Variants in KLHL1 observed in about 807,000 individuals in gnomAD.
KLHL1 encodes kelch like family member 1.
A neutral mutation model predicts 77.7 loss-of-function variants in KLHL1; 47 were observed. The observed-to-expected ratio is 0.60, with a 90% CI of 0.48 to 0.77. The LOEUF is 0.77. Among genes scored for constraint, KLHL1 ranks in the 30% least tolerant of loss-of-function variants. The pLI, the probability that KLHL1 is intolerant of heterozygous loss-of-function variation, is 0.00. For missense variants in KLHL1, 925 were observed against 910.8 expected, an observed-to-expected ratio of 1.02 and a Z score of -0.20; for synonymous variants, 360 against 325.2, an observed-to-expected ratio of 1.11 and a Z score of -1.15.
At chr13:70,006,157 A>C (rs1305004059) in intron 1 of KLHL1, among the ~76,000 whole-genome samples, 1 of 152,060 alleles carries the variant, frequency 6.6e-6, no homozygotes, top group Non-Finnish European at 1.5e-5. Flanking sequence ...AATGTCCTGC[A>C]GGTTCATCTA....
At chr13:69,957,884 A>G (rs17085809) in intron 3 of KLHL1, among the ~76,000 whole-genome samples, 19,462 of 151,680 alleles carry the variant, frequency 0.13, 1,949 homozygotes, top group East Asian at 0.29. Context: ...CATGAACTTC[A>G]TATTAAGTTA....
intron 7 of KLHL1, 96 bp from the exon 8 acceptor site, chr13:69,740,652 C>T (rs540113503): frequency 2.7e-5 from 22 of 802,398 alleles, no homozygotes; most frequent in Middle Eastern, 2.6e-4. Flanking sequence ...TTAAGTGTCC[C>T]TAACATAATA....
At chr13:70,002,561 A>G (rs1290843474) in intron 1 of KLHL1, among the ~76,000 whole-genome samples, 1 of 151,572 alleles carries the variant, frequency 6.6e-6, no homozygotes, top group African/African-American at 2.4e-5. Flanking sequence ...AATAATAATA[A>G]AAGTTCCAAA....
At chr13:69,889,843 T>G (rs753136242) in intron 4 of KLHL1, among the ~76,000 whole-genome samples, 3 of 152,066 alleles carry the variant, frequency 2.0e-5, no homozygotes, top group Non-Finnish European at 2.9e-5. Context: ...GGAATGCCTG[T>G]CTCATAGAAA....
At position 69,707,696 on chromosome 13, in the gene KLHL1, C is replaced by T; in HGVS notation, c.2116G>A (p.Gly706Ser). 1 of 1,612,750 alleles carries T rather than the reference C, an allele frequency of 6.2e-7. No individual in the cohort carries two copies. The highest frequency in any genetic ancestry group is 8.5e-7 in the Non-Finnish European group (1 of 1,179,192). The change falls in exon 10 of 11, where the codon GGT becomes AGT. Residue 706 changes from glycine (G) to serine (S), a missense_variant. Gly to Ser is a moderately conservative substitution (Grantham distance 56). Coordinates refer to ENST00000377844, the MANE Select transcript of KLHL1 (RefSeq NM_020866.3). ...CLLGDRLYAV[G>S]GYDGQTYLNT... ...AGGTATGTCTGTCCATCATAGCCAC[C>T]AACAGCATATAATCTGTCACCAAGG...
At chr13:69,791,111 A>C (rs1876853765) in intron 7 of KLHL1, among the ~76,000 whole-genome samples, 1 of 152,108 alleles carries the variant, frequency 6.6e-6, no homozygotes, top group Non-Finnish European at 1.5e-5. Flanking sequence ...ATATTAATCT[A>C]TTAAATATGT....
At chr13:70,103,396 T>C (rs903518670) in intron 1 of KLHL1, among the ~76,000 whole-genome samples, 1 of 152,046 alleles carries the variant, frequency 6.6e-6, no homozygotes, top group African/African-American at 2.4e-5. Context: ...TAAACTGTAA[T>C]CAGCGAGTGT....
chr13:69,926,520 C>G (rs1377428798), intron 4 of KLHL1, among the ~76,000 whole-genome samples: 1 of 152,118 alleles, frequency 6.6e-6, no homozygotes, highest in African/African-American at 2.4e-5. Context: ...TAGTAATACT[C>G]TCTGAATTAT....
chr13:69,978,863 C>T (rs1884624059), intron 1 of KLHL1, among the ~76,000 whole-genome samples: 1 of 151,890 alleles, frequency 6.6e-6, no homozygotes, highest in South Asian at 2.1e-4. Context: ...TTTACTTTGT[C>T]TTTAGTTGTT....
intron 7 of KLHL1, among the ~76,000 whole-genome samples, chr13:69,783,069 CTG>C (rs1233677790): frequency 6.6e-6 from 1 of 152,224 alleles, no homozygotes; most frequent in Non-Finnish European, 1.5e-5. Flanking sequence ...GGCAAACGGT[CTG>C]GAGTGGACCT....
At chr13:69,715,166 C>T (rs1876061443) in intron 9 of KLHL1, among the ~76,000 whole-genome samples, 2 of 152,226 alleles carry the variant, frequency 1.3e-5, no homozygotes, top group South Asian at 4.1e-4. Context: ...AAGCAGGGCT[C>T]CTAAATACTT....
At chr13:69,904,349 A>G (rs945601896) in intron 4 of KLHL1, among the ~76,000 whole-genome samples, 5 of 152,200 alleles carry the variant, frequency 3.3e-5, no homozygotes, top group African/African-American at 4.8e-5. Flanking sequence ...AATATAAAAA[A>G]GTATATGTAT....
intron 4 of KLHL1, among the ~76,000 whole-genome samples, chr13:69,923,589 T>C (rs1174815112): frequency 1.3e-5 from 2 of 152,172 alleles, no homozygotes; most frequent in African/African-American, 4.8e-5. Context: ...ATCTTTGAGG[T>C]GATTTTAGTA....
intron 1 of KLHL1, among the ~76,000 whole-genome samples, chr13:70,102,973 A>C (rs1887959714): frequency 6.6e-6 from 1 of 152,182 alleles, no homozygotes; most frequent in Non-Finnish European, 1.5e-5. Context: ...ACTTACAGAC[A>C]AACAAAATCA....
intron 1 of KLHL1, among the ~76,000 whole-genome samples, chr13:70,038,380 A>G (rs558195909): frequency 6.6e-6 from 1 of 152,254 alleles, no homozygotes; most frequent in South Asian, 2.1e-4. Flanking sequence ...ACAGGTTTTT[A>G]TGTAGACATG....
At chr13:69,849,536 C>T (rs1427835070) in intron 5 of KLHL1, among the ~76,000 whole-genome samples, 4 of 151,298 alleles carry the variant, frequency 2.6e-5, no homozygotes, top group Non-Finnish European at 1.5e-5. Flanking sequence ...TCCTCTGGGG[C>T]TTCTATTAAA....
chr13:70,013,313 G>A (rs9542159), intron 1 of KLHL1, among the ~76,000 whole-genome samples: 48,573 of 152,028 alleles, frequency 0.32, 9,188 homozygotes, highest in South Asian at 0.44. Flanking sequence ...CAGAGAACCC[G>A]TCAGCAAATA....
intron 4 of KLHL1, among the ~76,000 whole-genome samples, chr13:69,903,871 A>C (rs1468589871): frequency 3.3e-5 from 5 of 150,748 alleles, no homozygotes; most frequent in African/African-American, 4.9e-5. Flanking sequence ...CGAACTCTTG[A>C]CCTCGTGATC....
chr13:69,777,440 T>C (rs1384040381), intron 7 of KLHL1, among the ~76,000 whole-genome samples: 3 of 152,176 alleles, frequency 2.0e-5, no homozygotes, highest in Non-Finnish European at 4.4e-5. Flanking sequence ...AGTGGGATTA[T>C]AGAGGTCATA....
Sources: gnomAD v4.1 joint callset for allele counts (sites outside exome capture counted in the v4.1 genomes callset) on GRCh38, gnomAD v4.1.1 for gene constraint, MANE v1.5 for transcripts, NCBI Gene and HGNC (gene_info 2026-07-23, HGNC 2026-07-21) for gene names.